The following C16orf74 variants were observed in gnomAD, a reference collection of about 807,000 sequenced individuals.
C16orf74 encodes uncharacterized protein C16orf74.
A neutral mutation model predicts 6.5 loss-of-function variants in C16orf74; 10 were observed. That is an observed-to-expected ratio of 1.54 (90% CI 0.95 to 2.61). The LOEUF (loss-of-function observed/expected upper bound fraction) is 2.61, where lower values mean the gene tolerates loss of function less well. Ranked by LOEUF, C16orf74 falls within the 30% of genes most tolerant of loss-of-function variation. The probability of loss-of-function intolerance (pLI) is 0.00; values close to 1 mark genes in which losing one functional copy is unlikely to be tolerated. For missense variants in C16orf74, 141 were observed against 105.9 expected (o/e 1.33, Z -1.45); for synonymous variants, 60 against 42.5 (o/e 1.41, Z -1.60).
intron 2 of C16orf74, among the ~76,000 whole-genome samples, chr16:85,717,558 G>A (rs534469802): frequency 2.0e-5 from 3 of 152,286 alleles, no homozygotes; most frequent in Admixed American, 1.3e-4. Context: ...AATGACCCTC[G>A]GGGAGCCAGC....
chr16:85,718,383 G>A (rs2152059417), intron 2 of C16orf74, among the ~76,000 whole-genome samples: 2 of 152,294 alleles, frequency 1.3e-5, no homozygotes, highest in South Asian at 4.1e-4. Flanking sequence ...TTTAAAAACA[G>A]CGTTTGGGCT....
chr16:85,738,522 G>A (rs1422805851), intron 1 of C16orf74, among the ~76,000 whole-genome samples: 2 of 151,556 alleles, frequency 1.3e-5, no homozygotes, highest in Non-Finnish European at 2.9e-5. Flanking sequence ...GTAGAAATGG[G>A]ATTTTGTCAT....
At chr16:85,730,996 T>C (rs763707137) in intron 2 of C16orf74, among the ~76,000 whole-genome samples, 1 of 152,230 alleles carries the variant, frequency 6.6e-6, no homozygotes, top group Non-Finnish European at 1.5e-5. Context: ...AAAGTAATCG[T>C]ACCCGTTTCT....
chr16:85,729,239 G>T (rs2054164200), intron 2 of C16orf74, among the ~76,000 whole-genome samples: 1 of 152,230 alleles, frequency 6.6e-6, no homozygotes, highest in African/African-American at 2.4e-5. Context: ...CAGCAGTGAT[G>T]AGGGTGCCAT....
intron 2 of C16orf74, among the ~76,000 whole-genome samples, chr16:85,732,031 C>T (rs942378059): frequency 1.3e-5 from 2 of 152,218 alleles, no homozygotes; most frequent in African/African-American, 4.8e-5. Flanking sequence ...TGACATTATC[C>T]TGGACTAGGG....
intron 1 of C16orf74, among the ~76,000 whole-genome samples, chr16:85,737,330 C>G (rs887149998): frequency 2.6e-5 from 4 of 152,208 alleles, no homozygotes; most frequent in Non-Finnish European, 4.4e-5. Context: ...CCTGCCCACT[C>G]AGAACCTGCA....
chr16:85,711,441 C>T (rs926959102), intron 2 of C16orf74, among the ~76,000 whole-genome samples: 1 of 145,622 alleles, frequency 6.9e-6, no homozygotes, highest in Non-Finnish European at 1.5e-5. Context: ...ACGGAGAAAC[C>T]CCGTCTCCAC....
chr16:85,730,450 G>C (rs1411347176), intron 2 of C16orf74, among the ~76,000 whole-genome samples: 1 of 152,018 alleles, frequency 6.6e-6, no homozygotes, highest in Non-Finnish European at 1.5e-5. Context: ...GAGATTCCCA[G>C]ACTGGAGGGG....
intron 2 of C16orf74, among the ~76,000 whole-genome samples, chr16:85,733,058 G>C (rs757383686): frequency 6.6e-6 from 1 of 152,180 alleles, no homozygotes; most frequent in Admixed American, 6.5e-5. Context: ...CCCGGCCTTG[G>C]GCTGGAAGAA....
intron 2 of C16orf74, among the ~76,000 whole-genome samples, chr16:85,721,978 CTTTTTTTT>C (rs146218477): frequency 1.1e-5 from 1 of 91,122 alleles, no homozygotes; most frequent in Non-Finnish European, 2.0e-5. Context: ...AGATTCTAAC[CTTTTTTTT>C]TTTTTTTTTT....
intron 2 of C16orf74, among the ~76,000 whole-genome samples, chr16:85,729,514 C>T (rs78164240): frequency 6.6e-6 from 1 of 152,226 alleles, no homozygotes; most frequent in African/African-American, 2.4e-5. Flanking sequence ...TCCTGCCCCC[C>T]ACAGGGGAAG....
chr16:85,749,906 C>T (rs1319001242), intron 1 of C16orf74, among the ~76,000 whole-genome samples: 1 of 152,206 alleles, frequency 6.6e-6, no homozygotes, highest in Non-Finnish European at 1.5e-5. Context: ...TCCATAAATA[C>T]ACGGCCTCCT....
At chr16:85,731,408 C>T (rs2054186002) in intron 2 of C16orf74, among the ~76,000 whole-genome samples, 2 of 152,202 alleles carry the variant, frequency 1.3e-5, no homozygotes, top group Non-Finnish European at 2.9e-5. Context: ...GATTTGAACC[C>T]AGGGAGGCCT....
At chr16:85,736,758 A>C (rs912700886) in intron 1 of C16orf74, among the ~76,000 whole-genome samples, 12 of 152,194 alleles carry the variant, frequency 7.9e-5, no homozygotes, top group Admixed American at 4.6e-4. Context: ...CTCATCTTTA[A>C]AATGGGATGA....
chr16:85,709,829 C>T (rs1007892092), intron 3 of C16orf74, among the ~76,000 whole-genome samples: 56 of 152,264 alleles, frequency 3.7e-4, no homozygotes, highest in African/African-American at 1.2e-3. Context: ...GATGGAGCAG[C>T]GGTCCTCCCG....
chr16:85,749,817 C>A (rs1378752767), intron 1 of C16orf74, among the ~76,000 whole-genome samples: 2 of 152,244 alleles, frequency 1.3e-5, no homozygotes, highest in Non-Finnish European at 2.9e-5. Context: ...ACCCCACCGG[C>A]ATGGGAAGGC....
chr16:85,724,032 G>A (rs1489008040), intron 2 of C16orf74, among the ~76,000 whole-genome samples: 1 of 151,978 alleles, frequency 6.6e-6, no homozygotes, highest in East Asian at 1.9e-4. Flanking sequence ...CAGAGACAGG[G>A]TCTCACTCTG....
intron 2 of C16orf74, among the ~76,000 whole-genome samples, chr16:85,715,084 G>A (rs1445843869): frequency 6.6e-6 from 1 of 151,508 alleles, no homozygotes; most frequent in Non-Finnish European, 1.5e-5. Flanking sequence ...GTGAACCCGG[G>A]AGGCGGAGCT....
chr16:85,720,853 C>A (rs538305105), intron 2 of C16orf74, among the ~76,000 whole-genome samples: 224 of 151,280 alleles, frequency 1.5e-3, no homozygotes, highest in African/African-American at 5.2e-3. Flanking sequence ...TTTGGGAGGC[C>A]GAGGCGGGTG....
Sources: allele counts gnomAD v4.1 joint callset (sites outside exome capture counted in the v4.1 genomes callset), GRCh38; gene constraint gnomAD v4.1.1; transcripts MANE v1.5; gene names NCBI Gene and HGNC (gene_info 2026-07-23, HGNC 2026-07-21).